The following CLCN5 variants were observed in gnomAD, a reference collection of about 807,000 sequenced individuals.
The protein encoded by CLCN5 is Cl-/H+ antiporter 5.
In CLCN5, 17 loss-of-function variants were observed where a neutral mutation model predicts 54.0. That is an observed-to-expected ratio of 0.31 (90% CI 0.22 to 0.47). CLCN5 has a LOEUF of 0.47. CLCN5 is among the 20% of genes least tolerant of loss of function. The pLI is 1.00. For synonymous variants in CLCN5, 222 were observed against 233.0 expected (o/e 0.95, Z 0.43); for missense variants, 448 against 646.7 (o/e 0.69, Z 3.33).
At chrX:50,075,667 G>GT in intron 6 of CLCN5, 128 bp from the exon 7 acceptor site, 1 of 580,071 alleles carries the variant, frequency 1.7e-6, no homozygotes, top group Non-Finnish European at 3.0e-6. Context: ...GAATGGGGAA[G>GT]TATGTGCTTA....
chrX:50,032,847 G>A (rs1272824094), intron 3 of CLCN5, among the ~76,000 whole-genome samples: 2 of 109,960 alleles, frequency 1.8e-5, no homozygotes, highest in Admixed American at 1.9e-4. Flanking sequence ...GGTTTTTATG[G>A]TTTTAGGTCT....
At chrX:49,999,190 A>C (rs1180377192) in intron 3 of CLCN5, among the ~76,000 whole-genome samples, 3 of 110,423 alleles carry the variant, frequency 2.7e-5, no homozygotes, top group African/African-American at 9.9e-5. Flanking sequence ...CCTTAGACCT[A>C]CGTCTGTGTA....
intron 3 of CLCN5, among the ~76,000 whole-genome samples, chrX:50,029,675 C>G (rs1361040355): frequency 9.0e-6 from 1 of 111,458 alleles, no homozygotes; most frequent in Non-Finnish European, 1.9e-5. Flanking sequence ...CAAATCAAAA[C>G]CACAATGAGA....
intron 3 of CLCN5, among the ~76,000 whole-genome samples, chrX:50,036,727 G>A (rs1932015480): frequency 8.9e-6 from 1 of 111,953 alleles, no homozygotes; most frequent in Non-Finnish European, 1.9e-5. Flanking sequence ...CACTTCCTGA[G>A]TGAAACATAA....
rs1206678841 is a variant in CLCN5 at position 50,088,939 on chromosome X, G to C, written c.1744+55G>C. ...GCTACCCAGGTGACATACAACAGAAGAGTTTATTAAACACAGTTGACTGTA... is the reference window on the plus strand; with the variant it reads ...GCTACCCAGGTGACATACAACAGAACAGTTTATTAAACACAGTTGACTGTA... On this transcript the variant is annotated intron_variant, in intron 12 of 14. Coordinates refer to ENST00000376091, the MANE Select transcript of CLCN5 (RefSeq NM_001127898.4). 1.3e-5 allele frequency: 14 copies of C among 1,077,461 alleles called. No homozygotes were observed. The East Asian group carries it at 3.6e-4, about 28-fold the overall frequency. The allele number at this position is 1,077,461 out of a possible 1,213,427, so 88.8% of individuals were successfully genotyped here.
chrX:50,062,729 C>G (rs1932878755), intron 4 of CLCN5, among the ~76,000 whole-genome samples: 1 of 99,388 alleles, frequency 1.0e-5, no homozygotes, highest in African/African-American at 4.6e-5. Flanking sequence ...CACACCACAC[C>G]TATTCCAAAA....
Position 50,093,245 on chromosome X carries a change from A to G in CLCN5, c.*1026A>G. 1 of 112,133 alleles carries G rather than the reference A, an allele frequency of 8.9e-6. No homozygotes were observed. Among genetic ancestry groups the G allele is most frequent in the Non-Finnish European group, 1.9e-5 (1 of 53,249 alleles). 9.2% of individuals were successfully genotyped at this position (112,133 alleles called of 1,213,427 possible). ...AACCAGGGAAGACTCAGAACTGCAT[A>G]TGCATCCTCATGCATTCCTTTGTAA... On this transcript the variant is annotated 3_prime_UTR_variant, in exon 15 of 15. Coordinates refer to ENST00000376091, the MANE Select transcript of CLCN5 (RefSeq NM_001127898.4).
At chrX:50,084,390 T>G (rs1557193617) in intron 9 of CLCN5, among the ~76,000 whole-genome samples, 2 of 110,335 alleles carry the variant, frequency 1.8e-5, no homozygotes, top group Non-Finnish European at 3.8e-5. Flanking sequence ...TTGTTTTTGT[T>G]TTTTTTTTGG....
intron 3 of CLCN5, among the ~76,000 whole-genome samples, chrX:49,956,817 G>A (rs1927347454): frequency 9.0e-6 from 1 of 111,543 alleles, no homozygotes; most frequent in African/African-American, 3.3e-5. Context: ...GTTCCTTCTA[G>A]CGTTCTTTAT....
chrX:50,040,186 C>A (rs1932164243), intron 3 of CLCN5, among the ~76,000 whole-genome samples: 1 of 111,377 alleles, frequency 9.0e-6, no homozygotes, highest in Admixed American at 9.5e-5. Flanking sequence ...GGAGTCCTCT[C>A]CGGAGAAAGG....
At chrX:49,998,830 A>G (rs1929656044) in intron 3 of CLCN5, among the ~76,000 whole-genome samples, 1 of 111,142 alleles carries the variant, frequency 9.0e-6, no homozygotes, top group African/African-American at 3.3e-5. Context: ...CCCATGCATG[A>G]CACTGCAAAG....
intron 3 of CLCN5, among the ~76,000 whole-genome samples, chrX:50,041,771 C>A (rs1465489111): frequency 1.8e-5 from 2 of 111,437 alleles, no homozygotes; most frequent in African/African-American, 6.5e-5. Flanking sequence ...TAGAGGGTAA[C>A]TGAATATATT....
rs781920581 is a variant in CLCN5 at position 50,086,801 on chromosome X, T to C, written c.1488T>C (p.Ser496=). Residue 496 remains serine (S), a synonymous_variant, in exon 11 of 15, where the codon AGT becomes AGC. Transcript: ENST00000376091. Reference sequence around the variant, plus strand: ...GACCGGCTGGCGTGGGAGTCTACAGTGCAATGTGGCAGCTGGCTTTAACAC... The same window carrying C: ...GACCGGCTGGCGTGGGAGTCTACAGCGCAATGTGGCAGCTGGCTTTAACAC... The part of the protein sequence containing the change: ...PDRPAGVGVY[S]AMWQLALTLI... 7 of 1,209,030 alleles carry C rather than the reference T, an allele frequency of 5.8e-6. No homozygotes were observed. The Admixed American group carries it at 1.1e-4, about 19-fold the overall frequency.
chrX:49,978,185 C>T (rs1928573004), intron 3 of CLCN5, among the ~76,000 whole-genome samples: 1 of 111,487 alleles, frequency 9.0e-6, no homozygotes, highest in Non-Finnish European at 1.9e-5. Flanking sequence ...CCTGTGCAGT[C>T]TCACAGGGCT....
chrX:49,937,744 A>G (rs782513285), intron 3 of CLCN5, among the ~76,000 whole-genome samples: 1 of 112,177 alleles, frequency 8.9e-6, no homozygotes, highest in East Asian at 2.8e-4. Context: ...TAAATGTTTC[A>G]ATGTGTAGAA....
chrX:50,008,118 G>C (rs1557181778), intron 3 of CLCN5, among the ~76,000 whole-genome samples: 1 of 112,159 alleles, frequency 8.9e-6, no homozygotes, highest in East Asian at 2.8e-4. Flanking sequence ...GTGCATGTTA[G>C]AGAACAACTG....
intron 6 of CLCN5, among the ~76,000 whole-genome samples, chrX:50,075,395 T>C (rs1557191993): frequency 9.0e-6 from 1 of 111,174 alleles, no homozygotes; most frequent in African/African-American, 3.3e-5. Flanking sequence ...TATATGTATA[T>C]GTATATATAT....
intron 3 of CLCN5, among the ~76,000 whole-genome samples, chrX:50,021,271 C>CT (rs1336109056): frequency 4.4e-5 from 4 of 90,427 alleles, no homozygotes; most frequent in Non-Finnish European, 4.1e-5. Context: ...ATTTGGCTCT[C>CT]TGTTTGTCTG....
intron 5 of CLCN5, 136 bp downstream of exon 5, chrX:50,070,166 T>A: frequency 1.7e-6 from 1 of 574,002 alleles, no homozygotes; most frequent in Non-Finnish European, 2.7e-6. Context: ...ATATAGAGTT[T>A]CATTTTTAAA....
Sources: gnomAD v4.1 joint callset for allele counts (sites outside exome capture counted in the v4.1 genomes callset) on GRCh38, gnomAD v4.1.1 for gene constraint, MANE v1.5 for transcripts, NCBI Gene and HGNC (gene_info 2026-07-23, HGNC 2026-07-21) for gene names.